ERBB4: variants seen among roughly 807,000 people sequenced by gnomAD.
The protein encoded by ERBB4 is receptor tyrosine-protein kinase erbB-4.
ERBB4 carries 42 observed loss-of-function variants against 158.0 expected under a neutral mutation model. The ratio of observed to expected loss-of-function variants is 0.27; its 90% CI spans 0.21 to 0.34. The LOEUF is 0.34. ERBB4 is among the 10% of genes least tolerant of loss of function. The probability of loss-of-function intolerance (pLI) is 1.00; values close to 1 mark genes in which losing one functional copy is unlikely to be tolerated. For missense variants in ERBB4, 1,333 were observed against 1,624.1 expected (o/e 0.82, Z 3.08); for synonymous variants, 583 against 558.7 (o/e 1.04, Z -0.61).
intron 19 of ERBB4, among the ~76,000 whole-genome samples, chr2:211,581,659 T>C (rs2068108362): frequency 6.6e-6 from 1 of 152,164 alleles, no homozygotes; most frequent in African/African-American, 2.4e-5. Flanking sequence ...ATTCCCACAG[T>C]TGGTTGTATT....
At chr2:211,702,211 G>A (rs541570912) in intron 11 of ERBB4, 45 bp from the exon 12 acceptor site, 13 of 1,423,736 alleles carry the variant, frequency 9.1e-6, no homozygotes, top group African/African-American at 4.2e-5. Context: ...AACGCATTCC[G>A]GAGTAAAATA....
At chr2:212,169,361 C>A (rs72939861) in intron 1 of ERBB4, among the ~76,000 whole-genome samples, 16,629 of 152,020 alleles carry the variant, frequency 0.11, 1,073 homozygotes, top group Non-Finnish European at 0.14. Context: ...TATACATACA[C>A]TTACAACCAT....
At chr2:212,288,969 G>C (rs912107671) in intron 1 of ERBB4, among the ~76,000 whole-genome samples, 4 of 152,136 alleles carry the variant, frequency 2.6e-5, no homozygotes, top group Non-Finnish European at 4.4e-5. Context: ...AGAGGATAGA[G>C]AGTGTGAAGC....
chr2:212,003,505 G>A (rs1369672064), intron 2 of ERBB4, among the ~76,000 whole-genome samples: 1 of 151,984 alleles, frequency 6.6e-6, no homozygotes, highest in African/African-American at 2.4e-5. Context: ...AATTCGTGCT[G>A]ACTTCCTAGA....
At chr2:212,002,516 G>A (rs954283987) in intron 2 of ERBB4, among the ~76,000 whole-genome samples, 1 of 152,024 alleles carries the variant, frequency 6.6e-6, no homozygotes, top group East Asian at 1.9e-4. Flanking sequence ...CAGATGTAAA[G>A]CATAGCAAAA....
rs1380675481 is a variant in ERBB4, at chr2:211,383,961, C to T, written c.3581G>A (p.Gly1194Asp). The T allele has an allele frequency of 6.2e-7, 1 of 1,613,854 alleles. No individual in the cohort carries two copies. The highest frequency in any genetic ancestry group is 1.7e-5 in the Admixed American group (1 of 59,982). ...ATACTCATCCTCGGCCTTGGGTGGACCATTGGATGCATTGTGATATTCGGG... is the reference window on the plus strand; with the variant it reads ...ATACTCATCCTCGGCCTTGGGTGGATCATTGGATGCATTGTGATATTCGGG... Reference protein sequence around the residue: ...DNPEYHNASNGPPKAEDEYVN... With the variant: ...DNPEYHNASNDPPKAEDEYVN... Residue 1194 changes from glycine (G) to aspartate (D), a missense_variant, in exon 28 of 28, where the codon GGT becomes GAT. Around this residue, in one of 5 missense-constraint regions of ERBB4, gnomAD observed 252 missense variants for 241.3 expected, o/e 1.04. Transcript: ENST00000342788.
chr2:211,965,112 T>C (rs1045345410), intron 2 of ERBB4, among the ~76,000 whole-genome samples: 11 of 152,266 alleles, frequency 7.2e-5, no homozygotes, highest in African/African-American at 2.4e-4. Flanking sequence ...GCCTCTGCAA[T>C]ACCATGAAAT....
chr2:211,697,348 T>C (rs1465734837), intron 12 of ERBB4, among the ~76,000 whole-genome samples: 1 of 152,178 alleles, frequency 6.6e-6, no homozygotes, highest in Non-Finnish European at 1.5e-5. Context: ...AATTTCAATA[T>C]TGTTTTTAAA....
intron 3 of ERBB4, among the ~76,000 whole-genome samples, chr2:211,812,210 T>G (rs931967529): frequency 1.3e-5 from 2 of 152,192 alleles, no homozygotes; most frequent in African/African-American, 4.8e-5. Flanking sequence ...GATGGGGTTT[T>G]GGTGTGGGTG....
chr2:212,470,969 C>T (rs1249283270), intron 1 of ERBB4, among the ~76,000 whole-genome samples: 1 of 151,864 alleles, frequency 6.6e-6, no homozygotes, highest in Non-Finnish European at 1.5e-5. Context: ...TACAACTAAC[C>T]TAGATGCTTT....
At chr2:212,378,096 G>T (rs995112037) in intron 1 of ERBB4, among the ~76,000 whole-genome samples, 1 of 151,708 alleles carries the variant, frequency 6.6e-6, no homozygotes, top group Non-Finnish European at 1.5e-5. Flanking sequence ...GTAATAGCAC[G>T]CATGGTGTTG....
At chr2:212,404,946 T>A (rs750837245) in intron 1 of ERBB4, among the ~76,000 whole-genome samples, 6 of 152,076 alleles carry the variant, frequency 3.9e-5, no homozygotes, top group Non-Finnish European at 8.8e-5. Context: ...TATAATAGCC[T>A]CCAGCTCCAT....
At chr2:211,913,582 C>T (rs1393228081) in intron 3 of ERBB4, among the ~76,000 whole-genome samples, 1 of 146,922 alleles carries the variant, frequency 6.8e-6, no homozygotes, top group Non-Finnish European at 1.5e-5. Flanking sequence ...GCCTGGGCGA[C>T]AGAGCAAGAC....
chr2:212,382,559 T>A (rs974618483), intron 1 of ERBB4, among the ~76,000 whole-genome samples: 6 of 151,082 alleles, frequency 4.0e-5, no homozygotes, highest in Admixed American at 2.0e-4. Context: ...TTAATTTATA[T>A]GTATATTTTC....
chr2:211,455,373 T>C (rs528400570), intron 20 of ERBB4, among the ~76,000 whole-genome samples: 3 of 152,194 alleles, frequency 2.0e-5, no homozygotes, highest in East Asian at 1.9e-4. Context: ...TCATTTTCCA[T>C]GAGTTGCCAG....
chr2:211,715,525 C>T (rs190832489), intron 7 of ERBB4, among the ~76,000 whole-genome samples: 4 of 152,230 alleles, frequency 2.6e-5, no homozygotes, highest in Admixed American at 2.6e-4. Flanking sequence ...AATCTCATGT[C>T]GAATTATAAT....
chr2:212,111,800 T>C (rs1168735863), intron 2 of ERBB4, among the ~76,000 whole-genome samples: 1 of 152,138 alleles, frequency 6.6e-6, no homozygotes, highest in Non-Finnish European at 1.5e-5. Flanking sequence ...AAAGATAAGA[T>C]GTAGCTCTTG....
At chr2:212,221,463 A>C (rs190556232) in intron 1 of ERBB4, among the ~76,000 whole-genome samples, 2 of 151,660 alleles carry the variant, frequency 1.3e-5, no homozygotes, top group East Asian at 3.9e-4. Flanking sequence ...ATGGTATGGC[A>C]GCAGTCAGGT....
chr2:212,027,659 TG>T (rs34346511), intron 2 of ERBB4, among the ~76,000 whole-genome samples: 128,440 of 151,906 alleles, frequency 0.85, 55,805 homozygotes, highest in East Asian at 1. Flanking sequence ...TTTAAGCAGT[TG>T]GCCTGAAAAC....
Sources: gnomAD v4.1 joint callset for allele counts (sites outside exome capture counted in the v4.1 genomes callset) on GRCh38, gnomAD v4.1.1 for gene constraint, gnomAD v4.1.1 regional missense constraint, MANE v1.5 for transcripts, NCBI Gene and HGNC (gene_info 2026-07-23, HGNC 2026-07-21) for gene names.